Variants in CDC42BPA observed in about 807,000 individuals in gnomAD.
The protein encoded by CDC42BPA is CDC42 binding protein kinase alpha.
Under a neutral mutation model 223.5 loss-of-function variants are expected in CDC42BPA, and 80 were observed. That is an observed-to-expected ratio of 0.36 (90% CI 0.30 to 0.43). The LOEUF is 0.43. Among genes scored for constraint, CDC42BPA ranks in the 20% least tolerant of loss-of-function variants. The pLI is 1.00. For synonymous variants in CDC42BPA, 694 were observed against 718.6 expected (o/e 0.97, Z 0.55); for missense variants, 1,743 against 2,099.9 (o/e 0.83, Z 3.32).
At chr1:227,120,950 G>A (rs1214909372) in intron 11 of CDC42BPA, among the ~76,000 whole-genome samples, 1 of 152,152 alleles carries the variant, frequency 6.6e-6, no homozygotes, top group African/African-American at 2.4e-5. Context: ...TAAGAGGCAT[G>A]CAACCTAGAT....
At chr1:227,136,060 G>GA (rs1487700057) in intron 10 of CDC42BPA, among the ~76,000 whole-genome samples, 4 of 146,130 alleles carry the variant, frequency 2.7e-5, no homozygotes, top group African/African-American at 7.9e-5. Flanking sequence ...ACAAATGAAA[G>GA]AAAAAAACAG....
At chr1:227,070,642 G>A (rs1403506404) in intron 20 of CDC42BPA, among the ~76,000 whole-genome samples, 2 of 151,764 alleles carry the variant, frequency 1.3e-5, no homozygotes, top group Admixed American at 6.6e-5. Flanking sequence ...TTCAAATATT[G>A]AGAGTGTGCC....
chr1:227,062,726 T>C (rs1428774547), intron 21 of CDC42BPA, among the ~76,000 whole-genome samples: 1 of 152,096 alleles, frequency 6.6e-6, no homozygotes, highest in Non-Finnish European at 1.5e-5. Context: ...TTTTTCTAAT[T>C]ATAAAATAAG....
intron 1 of CDC42BPA, among the ~76,000 whole-genome samples, chr1:227,287,728 TA>T (rs1689037171): frequency 1.3e-5 from 2 of 152,154 alleles, no homozygotes; most frequent in Non-Finnish European, 2.9e-5. Flanking sequence ...TAATTATACA[TA>T]TTCATGGAGT....
intron 24 of CDC42BPA, among the ~76,000 whole-genome samples, chr1:227,037,635 T>C (rs1319641512): frequency 1.3e-5 from 2 of 152,198 alleles, no homozygotes; most frequent in Non-Finnish European, 2.9e-5. Context: ...TGGGCTACAT[T>C]TCCTTTAAGG....
chr1:227,203,711 A>G (rs778268617), intron 3 of CDC42BPA, among the ~76,000 whole-genome samples: 13 of 152,210 alleles, frequency 8.5e-5, no homozygotes, highest in Non-Finnish European at 1.8e-4. Flanking sequence ...TCATCCAAAC[A>G]TTCAGCTTGC....
At chr1:227,152,757 C>A (rs1662020975) in intron 6 of CDC42BPA, among the ~76,000 whole-genome samples, 1 of 152,060 alleles carries the variant, frequency 6.6e-6, no homozygotes, top group Non-Finnish European at 1.5e-5. Context: ...ACCTGTTACA[C>A]AGGACAACAC....
chr1:227,015,979 A>T, intron 34 of CDC42BPA, 101 bp downstream of exon 34: 1 of 684,284 alleles, frequency 1.5e-6, no homozygotes, highest in Non-Finnish European at 2.6e-6. Flanking sequence ...TTTCCTCATT[A>T]CTTTCACATA....
rs752687668 is a variant in CDC42BPA at position 227,028,864 on chromosome 1, C to T, written c.4225G>A (p.Gly1409Arg). 10 of 1,613,558 alleles carry T rather than the reference C, an allele frequency of 6.2e-6. No homozygotes were observed. The South Asian group carries it at 1.1e-4, about 18-fold the overall frequency. Residue 1409 changes from glycine (G) to arginine (R), a missense_variant, in exon 30 of 37, where the codon GGA becomes AGA. Gly to Arg is a moderately radical substitution (Grantham distance 125). Transcript: ENST00000366766. ...QSGFLRYPLN[G>R]EGNPYSMLHS... Reference sequence around the variant, plus strand: ...AGCATACTGTATGGATTTCCTTCTCCATTCAAGGGGTATCTTAGAAATCCT... The same window carrying T: ...AGCATACTGTATGGATTTCCTTCTCTATTCAAGGGGTATCTTAGAAATCCT...
chr1:227,231,541 A>G (rs547291301), intron 2 of CDC42BPA, among the ~76,000 whole-genome samples: 10 of 152,040 alleles, frequency 6.6e-5, no homozygotes, highest in Non-Finnish European at 1.2e-4. Context: ...AGTTCTAGAT[A>G]CCTGAGGAAT....
Position 227,074,336 on chromosome 1 carries a change from A to G in CDC42BPA, c.2509T>C (p.Tyr837His). The G allele has an allele frequency of 6.2e-7, 1 of 1,613,522 alleles. No homozygotes were observed. The highest frequency in any genetic ancestry group is 8.5e-7 in the Non-Finnish European group (1 of 1,179,600). Residue 837 changes from tyrosine to histidine, a missense_variant, in exon 18 of 37, where the codon TAT becomes CAT. Around this residue, in one of 6 missense-constraint regions of CDC42BPA, gnomAD observed 464 missense variants for 488.0 expected, o/e 0.95. Coordinates refer to ENST00000366766, the MANE Select transcript of CDC42BPA (RefSeq NM_001394014.1). ...WVSDEKDARGYLQALASKMTE... is the reference protein window; with the variant it reads ...WVSDEKDARGHLQALASKMTE... ...ATTTTAGAAGCTAAGGCCTGAAGAT[A>G]CCCTCGTGCATCCTTTTCATCGCTG...
chr1:227,036,211 T>C (rs1023392345), intron 24 of CDC42BPA, among the ~76,000 whole-genome samples: 94 of 152,222 alleles, frequency 6.2e-4, no homozygotes, highest in African/African-American at 2.1e-3. Flanking sequence ...ACCATCTCTA[T>C]AAATGGACTA....
chr1:227,198,036 A>G (rs1349605222), intron 4 of CDC42BPA, among the ~76,000 whole-genome samples: 1 of 152,210 alleles, frequency 6.6e-6, no homozygotes, highest in Non-Finnish European at 1.5e-5. Context: ...ACCCACAATA[A>G]TATATATGGC....
intron 2 of CDC42BPA, among the ~76,000 whole-genome samples, chr1:227,244,696 A>G (rs1047323631): frequency 2.6e-5 from 4 of 152,256 alleles, no homozygotes; most frequent in African/African-American, 7.2e-5. Context: ...TGCAAAGAGA[A>G]AAGCACTCTC....
intron 15 of CDC42BPA, among the ~76,000 whole-genome samples, chr1:227,099,113 C>A (rs545171): frequency 6.6e-6 from 1 of 151,882 alleles, no homozygotes; most frequent in Middle Eastern, 3.4e-3. Flanking sequence ...ACTGTGCTGT[C>A]GGCAGTATAA....
intron 23 of CDC42BPA, among the ~76,000 whole-genome samples, chr1:227,040,735 C>A (rs922745204): frequency 2.0e-5 from 3 of 152,092 alleles, no homozygotes; most frequent in Non-Finnish European, 4.4e-5. Context: ...GAATCAGTTT[C>A]CTCCTATGGA....
chr1:227,208,742 T>C (rs1673302403), intron 3 of CDC42BPA, among the ~76,000 whole-genome samples: 1 of 152,110 alleles, frequency 6.6e-6, no homozygotes, highest in South Asian at 2.1e-4. Flanking sequence ...AGTACCATGC[T>C]GTTTTGGTTA....
intron 3 of CDC42BPA, among the ~76,000 whole-genome samples, chr1:227,207,359 TTC>T (rs1672956279): frequency 5.4e-5 from 8 of 148,552 alleles, no homozygotes; most frequent in Non-Finnish European, 1.0e-4. Context: ...ATCTTTTTTT[TTC>T]TTTTTCTTTT....
intron 1 of CDC42BPA, among the ~76,000 whole-genome samples, chr1:227,313,844 T>A (rs1214220676): frequency 6.8e-6 from 1 of 147,206 alleles, no homozygotes; most frequent in Non-Finnish European, 1.5e-5. Context: ...GGTACAAATT[T>A]ATTAAACAGA....
Sources: allele counts gnomAD v4.1 joint callset (sites outside exome capture counted in the v4.1 genomes callset), GRCh38; gene constraint gnomAD v4.1.1; regional missense constraint gnomAD v4.1.1; transcripts MANE v1.5; gene names NCBI Gene and HGNC (gene_info 2026-07-23, HGNC 2026-07-21).